CDH2: variants seen among roughly 807,000 people sequenced by gnomAD.
CDH2 encodes the protein cadherin 2.
Under a neutral mutation model 92.0 loss-of-function variants are expected in CDH2, and 17 were observed. The observed-to-expected ratio is 0.18, with a 90% confidence interval of 0.13 to 0.28. CDH2 has a LOEUF of 0.28. Among genes scored for constraint, CDH2 ranks in the 10% least tolerant of loss-of-function variants. The probability of loss-of-function intolerance (pLI) is 1.00; values close to 1 mark genes in which losing one functional copy is unlikely to be tolerated. For synonymous variants in CDH2, 419 were observed against 415.9 expected (o/e 1.01, Z -0.09); for missense variants, 862 against 1,133.1 (o/e 0.76, Z 3.44).
chr18:28,112,024 C>CCTTAG (rs2015421471), intron 2 of CDH2, among the ~76,000 whole-genome samples: 2 of 152,180 alleles, frequency 1.3e-5, no homozygotes, highest in African/African-American at 4.8e-5. Context: ...GACAGTCTGA[C>CCTTAG]CTTAGCATTT....
intron 6 of CDH2, among the ~76,000 whole-genome samples, chr18:27,939,912 C>CT (rs1434173187): frequency 6.6e-6 from 1 of 152,066 alleles, no homozygotes; most frequent in Non-Finnish European, 1.5e-5. Context: ...TAAAACCTTC[C>CT]TAGGGCTGCA....
intron 2 of CDH2, among the ~76,000 whole-genome samples, chr18:28,127,696 C>A (rs2144285208): frequency 6.6e-6 from 1 of 152,168 alleles, no homozygotes; most frequent in Non-Finnish European, 1.5e-5. Flanking sequence ...GAGTTTATTA[C>A]AGCTAGAGGT....
chr18:28,125,225 T>C (rs2015656970), intron 2 of CDH2, among the ~76,000 whole-genome samples: 1 of 152,160 alleles, frequency 6.6e-6, no homozygotes, highest in African/African-American at 2.4e-5. Flanking sequence ...GAACTGTAAA[T>C]TGAACCATTG....
intron 2 of CDH2, among the ~76,000 whole-genome samples, chr18:28,107,784 A>T (rs1263770242): frequency 6.6e-6 from 1 of 152,136 alleles, no homozygotes. Context: ...TTAATTAGCC[A>T]TTTAAAAAAA....
chr18:28,160,162 A>T (rs1256702338), intron 1 of CDH2, among the ~76,000 whole-genome samples: 2 of 122,296 alleles, frequency 1.6e-5, no homozygotes, highest in Non-Finnish European at 3.1e-5. Context: ...AGAAAAAAAT[A>T]AAAAAAAAAA....
At chr18:27,934,262 A>G (rs1010466225) in intron 6 of CDH2, among the ~76,000 whole-genome samples, 1 of 152,090 alleles carries the variant, frequency 6.6e-6, no homozygotes, top group African/African-American at 2.4e-5. Flanking sequence ...TGCTGTCTGT[A>G]TCGATGTCTG....
intron 2 of CDH2, among the ~76,000 whole-genome samples, chr18:28,027,474 C>A (rs1355217289): frequency 6.6e-6 from 1 of 151,550 alleles, no homozygotes; most frequent in Non-Finnish European, 1.5e-5. Flanking sequence ...ATACAAGTTG[C>A]CACAAATAAA....
At chr18:28,050,096 A>C (rs1038020613) in intron 2 of CDH2, among the ~76,000 whole-genome samples, 11 of 152,198 alleles carry the variant, frequency 7.2e-5, no homozygotes, top group Non-Finnish European at 1.3e-4. Context: ...CAGCCTGGAT[A>C]AGCTGAGCCC....
chr18:27,965,188 T>C (rs1471044138), intron 14 of CDH2, among the ~76,000 whole-genome samples: 1 of 152,244 alleles, frequency 6.6e-6, no homozygotes, highest in African/African-American at 2.4e-5. Flanking sequence ...TCTGACTTCA[T>C]AGCACCTGAT....
At chr18:27,999,132 T>A in intron 7 of CDH2, among the ~76,000 whole-genome samples, 1 of 152,082 alleles carries the variant, frequency 6.6e-6, no homozygotes, top group East Asian at 1.9e-4. Context: ...AGGAGAACAA[T>A]ATTTAGGCAG....
chr18:27,988,696 T>C, intron 10 of CDH2, 30 bp from the exon 11 acceptor site: 2 of 1,527,378 alleles, frequency 1.3e-6, no homozygotes, highest in Non-Finnish European at 1.8e-6. Context: ...TTTAATTTCT[T>C]TTTATGAAAC....
chr18:28,097,508 T>C (rs1300410105), intron 2 of CDH2, among the ~76,000 whole-genome samples: 1 of 152,146 alleles, frequency 6.6e-6, no homozygotes, highest in African/African-American at 2.4e-5. Flanking sequence ...TGACCCACAG[T>C]ACCCATGGAT....
chr18:28,022,272 G>C (rs1474958231), intron 2 of CDH2, among the ~76,000 whole-genome samples: 3 of 151,902 alleles, frequency 2.0e-5, no homozygotes, highest in Non-Finnish European at 2.9e-5. Context: ...CAGTTTTACA[G>C]ACAGGTTGAG....
At chr18:27,946,195 CATT>C (rs1033260798), downstream of CDH2, among the ~76,000 whole-genome samples, 18 of 152,086 alleles carry the variant, frequency 1.2e-4, no homozygotes, top group African/African-American at 3.9e-4. Flanking sequence ...GGAAGTAAAA[CATT>C]AGTATCTGAA....
intron 2 of CDH2, among the ~76,000 whole-genome samples, chr18:28,015,426 A>G (rs530745791): frequency 3.9e-5 from 6 of 152,156 alleles, no homozygotes; most frequent in Non-Finnish European, 8.8e-5. Context: ...TCCATCTTCC[A>G]TGCCCCATGA....
At chr18:28,133,871 T>C (rs1025392131) in intron 2 of CDH2, among the ~76,000 whole-genome samples, 7 of 152,034 alleles carry the variant, frequency 4.6e-5, no homozygotes, top group African/African-American at 1.4e-4. Flanking sequence ...TAGGAATGTA[T>C]TTCTGGGCCA....
At chr18:28,154,573 G>A (rs1041237048) in intron 1 of CDH2, among the ~76,000 whole-genome samples, 2 of 152,186 alleles carry the variant, frequency 1.3e-5, no homozygotes, top group East Asian at 1.9e-4. Flanking sequence ...TTCTGCACTC[G>A]CAGGGACATT....
intron 14 of CDH2, among the ~76,000 whole-genome samples, chr18:27,974,729 C>T (rs889552743): frequency 1.3e-5 from 2 of 152,044 alleles, no homozygotes; most frequent in Non-Finnish European, 2.9e-5. Context: ...GGATTAGTGC[C>T]GTTATAAAGA....
In CDH2 at chr18:28,072,998, A is replaced by G. The variant is rs569972136; in HGVS notation, c.173-59089T>C. Among the ~76,000 whole-genome samples, 270 of 152,326 alleles carry G rather than the reference A, an allele frequency of 1.8e-3. 2 individuals are homozygous for G. Among genetic ancestry groups the G allele is most frequent in the African/African-American group, 6.3e-3 (262 of 41,584 alleles). On this transcript the variant is annotated intron_variant, in intron 2 of 15. Transcript: ENST00000269141. ...CTATTACTGTCTTAGCTGTCAGAAT[A>G]CCAACTGTCAATAATGTCACATAAA...
Sources: allele counts gnomAD v4.1 joint callset (sites outside exome capture counted in the v4.1 genomes callset), GRCh38; gene constraint gnomAD v4.1.1; transcripts MANE v1.5; gene names NCBI Gene and HGNC (gene_info 2026-07-23, HGNC 2026-07-21).